Variants in NTMT1 observed in about 807,000 individuals in gnomAD.
The protein encoded by NTMT1 is N-terminal RCC1 methyltransferase.
A neutral mutation model predicts 17.5 loss-of-function variants in NTMT1; 8 were observed. The ratio of observed to expected loss-of-function variants is 0.46; its 90% CI spans 0.27 to 0.82. NTMT1 has a LOEUF of 0.82. Ranked by LOEUF, NTMT1 falls within the 40% of genes least tolerant of loss-of-function variation. The pLI, the probability that NTMT1 is intolerant of heterozygous loss-of-function variation, is 0.15. For missense variants in NTMT1, 221 were observed against 303.5 expected (o/e 0.73, Z 2.02); for synonymous variants, 128 against 126.8 (o/e 1.01, Z -0.06).
chr9:129,631,348 A>T (rs566981525), intron 1 of NTMT1, among the ~76,000 whole-genome samples: 1 of 152,282 alleles, frequency 6.6e-6, no homozygotes, highest in Non-Finnish European at 1.5e-5. Flanking sequence ...ACAGCCCCTA[A>T]GCGTGGTGTG....
intron 1 of NTMT1, among the ~76,000 whole-genome samples, chr9:129,617,083 A>C (rs2118874127): frequency 6.6e-6 from 1 of 152,326 alleles, no homozygotes; most frequent in East Asian, 1.9e-4. Flanking sequence ...AAGAAAAAAA[A>C]AATCAGCCTC....
chr9:129,620,076 C>T lies in NTMT1; in HGVS notation c.-55+10898C>T, dbSNP rs1830603786. 1.4e-6 allele frequency: 2 copies of T among 1,452,332 alleles called. No homozygotes were observed. The highest frequency in any genetic ancestry group is 1.8e-6 in the Non-Finnish European group (2 of 1,100,178). The allele number at this position is 1,452,332 out of a possible 1,614,324, so 90.0% of individuals were successfully genotyped here. ...CCCCGCGGGGCCTCACTCAGTGGCT[C>T]CGGCTCCTCGGCGCACTTCTCCTGG... On this transcript the variant is annotated intron_variant, in intron 1 of 3. Coordinates refer to the NTMT1 transcript ENST00000372486. The surrounding 1 kb of genome is among the most constrained non-coding windows in gnomAD (Gnocchi z 5.8).
chr9:129,635,601 T>C lies in NTMT1; in HGVS notation c.*137T>C. The stretch of plus-strand genomic sequence containing the variant: ...ATATAGCTGTCTGCCGTCCACTCAT[T>C]ATGCGGGCTCTTCTTCAAAAGGCAA... On this transcript the variant is annotated 3_prime_UTR_variant, in exon 4 of 4. Coordinates refer to ENST00000372483, the MANE Select transcript of NTMT1 (RefSeq NM_014064.4). The C allele has an allele frequency of 9.1e-7, 1 of 1,094,854 alleles. No homozygotes were observed. The allele number at this position is 1,094,854 out of a possible 1,614,324, so 67.8% of individuals were successfully genotyped here. A position where few individuals can be genotyped will look rare whatever the true frequency, so the allele number is the denominator to read the frequency against.
intron 2 of NTMT1, chr9:129,633,169 T>C (rs1442836522): frequency 1.1e-5 from 5 of 456,238 alleles, no homozygotes; most frequent in Admixed American, 3.9e-5. Context: ...TCTCCTGCCA[T>C]GTCCACGGGT....
At chr9:129,626,803 C>G (rs959935004) in intron 1 of NTMT1, among the ~76,000 whole-genome samples, 5 of 152,222 alleles carry the variant, frequency 3.3e-5, no homozygotes, top group Admixed American at 3.3e-4. Context: ...CCCGAGAGCC[C>G]TTGCGGCCAA....
chr9:129,618,597 C>T (rs1462205672), intron 1 of NTMT1, among the ~76,000 whole-genome samples: 1 of 152,084 alleles, frequency 6.6e-6, no homozygotes, highest in African/African-American at 2.4e-5. Flanking sequence ...CCTGGGTTTA[C>T]AAGTGGATGG....
intron 1 of NTMT1, among the ~76,000 whole-genome samples, chr9:129,611,908 A>G (rs1284432960): frequency 6.6e-6 from 1 of 151,586 alleles, no homozygotes; most frequent in Non-Finnish European, 1.5e-5. Context: ...GTGGAGCACC[A>G]CGCCCAGCTA....
At chr9:129,611,636 G>T (rs1473564379) in intron 1 of NTMT1, among the ~76,000 whole-genome samples, 2 of 151,102 alleles carry the variant, frequency 1.3e-5, no homozygotes, top group African/African-American at 2.5e-5. Flanking sequence ...CAGAGGCTTG[G>T]GGTGGGGGTT....
chr9:129,624,606 A>C (rs1243980067), upstream of NTMT1, among the ~76,000 whole-genome samples: 1 of 152,204 alleles, frequency 6.6e-6, no homozygotes, highest in Non-Finnish European at 1.5e-5. Context: ...CGTCGCCCAG[A>C]GGAAGGAACA....
At chr9:129,623,104 C>T (rs566062520), upstream of NTMT1, among the ~76,000 whole-genome samples, 5 of 151,814 alleles carry the variant, frequency 3.3e-5, no homozygotes, top group African/African-American at 9.7e-5. Context: ...GAGGACAAGG[C>T]GGGTGGATCA....
In NTMT1 at chr9:129,613,391, C is replaced by T. The variant is rs767553987; in HGVS notation, c.-55+4213C>T. On this transcript the variant is annotated intron_variant, in intron 1 of 3. Coordinates refer to the NTMT1 transcript ENST00000372486. This position sits in a 1 kb window ranked among gnomAD's most constrained non-coding sequence, Gnocchi z 6.2. ...TCTGTAGGCAAGGGGGGTGGAGGGCCCTGGCAATGTCCACGAGTCCCATCC... is the reference window on the plus strand; with the variant it reads ...TCTGTAGGCAAGGGGGGTGGAGGGCTCTGGCAATGTCCACGAGTCCCATCC... 15 of 1,603,696 alleles carry T rather than the reference C, an allele frequency of 9.4e-6. No individual in the cohort carries two copies. Among genetic ancestry groups the T allele is most frequent in the Non-Finnish European group, 1.3e-5 (15 of 1,173,410 alleles).
chr9:129,613,294 C>T lies in NTMT1; in HGVS notation c.-55+4116C>T. 2 of 1,570,970 alleles carry T rather than the reference C, an allele frequency of 1.3e-6. No homozygotes were observed. Among genetic ancestry groups the T allele is most frequent in the Non-Finnish European group, 1.7e-6 (2 of 1,157,126 alleles). On this transcript the variant is annotated intron_variant, in intron 1 of 3. Transcript: ENST00000372486. The surrounding 1 kb of genome is among the most constrained non-coding windows in gnomAD (Gnocchi z 6.2). ...CCATGAGCTTCCTGGACTCTGAGTC[C>T]CCGGCCCACCCATGGCTGGCAGGGC... is the stretch of plus-strand genomic sequence containing the variant.
intron 3 of NTMT1, chr9:129,634,507 A>G: frequency 2.0e-6 from 1 of 506,816 alleles, no homozygotes; most frequent in Non-Finnish European, 3.2e-6. Flanking sequence ...TCTTCCTTCT[A>G]GGTTTTGTTT....
At chr9:129,623,507 T>A (rs1405702683), upstream of NTMT1, among the ~76,000 whole-genome samples, 4 of 152,216 alleles carry the variant, frequency 2.6e-5, no homozygotes, top group African/African-American at 9.6e-5. Flanking sequence ...AGGAAGCTCA[T>A]AGTATTGTGA....
At chr9:129,610,244 AG>A (rs1488055358) in intron 1 of NTMT1, among the ~76,000 whole-genome samples, 24 of 23,154 alleles carry the variant, frequency 1.0e-3, no homozygotes, top group Non-Finnish European at 1.4e-3. Context: ...GAGAGGGGAA[AG>A]GGGGGAAGGG....
chr9:129,613,606 AAG>A lies in NTMT1; in HGVS notation c.-55+4431_-55+4432del. The stretch of plus-strand genomic sequence containing the variant: ...AATGACGCTCTGTTGGACTGCAGGA[AAG>A]AGGGCAGGGTGAGATCTCTGCCCAG... On this transcript the variant is annotated intron_variant, in intron 1 of 3. Coordinates refer to the NTMT1 transcript ENST00000372486. This position sits in a 1 kb window ranked among gnomAD's most constrained non-coding sequence, Gnocchi z 6.2. 6.2e-7 allele frequency: 1 copy of A among 1,613,988 alleles called. No homozygotes were observed. The highest frequency in any genetic ancestry group is 1.1e-5 in the South Asian group (1 of 91,080).
At chr9:129,622,984 A>G (rs4501690), upstream of NTMT1, among the ~76,000 whole-genome samples, 146,857 of 150,852 alleles carry the variant, frequency 0.97, 71,499 homozygotes, top group Middle Eastern at 0.99. Context: ...AGCCGAGATC[A>G]CGCCACTGCA....
Position 129,613,814 on chromosome 9 carries a change from A to G in NTMT1, c.-55+4636A>G, listed in dbSNP as rs1389676644. Among the ~76,000 whole-genome samples the G allele has an allele frequency of 1.3e-5, 2 of 151,990 alleles. No individual in the cohort carries two copies. Among genetic ancestry groups the G allele is most frequent in the African/African-American group, 4.8e-5 (2 of 41,344 alleles). ...TTATACCCAAGCTGTGCCCCTGCGC[A>G]CCCCCACTCACGCTGCAGCCGGAAG... On this transcript the variant is annotated intron_variant, in intron 1 of 3. Coordinates refer to the NTMT1 transcript ENST00000372486. The surrounding 1 kb of genome is among the most constrained non-coding windows in gnomAD (Gnocchi z 6.2).
At chr9:129,612,974 C>T (rs559916616) in intron 1 of NTMT1, 1 of 1,156,852 alleles carries the variant, frequency 8.6e-7, no homozygotes, top group African/African-American at 1.5e-5. Flanking sequence ...ACTGCAAGCC[C>T]CCACGGTGAC....
Sources: allele counts gnomAD v4.1 joint callset (sites outside exome capture counted in the v4.1 genomes callset), GRCh38; gene constraint gnomAD v4.1.1; non-coding constraint Gnocchi (gnomAD v3.1); transcripts MANE v1.5; gene names NCBI Gene and HGNC (gene_info 2026-07-23, HGNC 2026-07-21).